Variants in GRID2 observed in about 807,000 individuals in gnomAD.
The protein encoded by GRID2 is glutamate ionotropic receptor delta type subunit 2, also known as glutamate receptor ionotropic, delta-2.
GRID2 carries 33 observed loss-of-function variants against 114.8 expected under a neutral mutation model. That is an observed-to-expected ratio of 0.29 (90% CI 0.22 to 0.38). GRID2 has a LOEUF of 0.38. Ranked by LOEUF, GRID2 falls within the 10% of genes least tolerant of loss-of-function variation. The probability of loss-of-function intolerance (pLI) is 1.00; values close to 1 mark genes in which losing one functional copy is unlikely to be tolerated. For missense variants in GRID2, 1,184 were observed against 1,257.7 expected, an observed-to-expected ratio of 0.94 and a Z score of 0.89; for synonymous variants, 505 against 449.9, an observed-to-expected ratio of 1.12 and a Z score of -1.55.
intron 2 of GRID2, among the ~76,000 whole-genome samples, chr4:92,675,152 C>G (rs759496016): frequency 1.3e-5 from 2 of 152,116 alleles, no homozygotes; most frequent in Non-Finnish European, 2.9e-5. Context: ...TGTTAGAGCA[C>G]TATTACTATA....
intron 2 of GRID2, among the ~76,000 whole-genome samples, chr4:93,023,127 ATGTATGTGTGTGTGTGTGTGTGTC>A (rs1406039297): frequency 7.6e-6 from 1 of 131,118 alleles, no homozygotes; most frequent in Non-Finnish European, 1.6e-5. Context: ...GTGTGTGTGT[ATGTATGTGTGTGTGTGTGTGTGTC>A]TGTATTGGGC....
intron 8 of GRID2, among the ~76,000 whole-genome samples, chr4:93,339,496 A>C (rs1759427213): frequency 6.6e-6 from 1 of 152,140 alleles, no homozygotes; most frequent in Non-Finnish European, 1.5e-5. Context: ...GAGGCAAGAA[A>C]GGGTTCCCCT....
At chr4:93,569,338 GC>G (rs1478090870) in intron 13 of GRID2, among the ~76,000 whole-genome samples, 13 of 152,038 alleles carry the variant, frequency 8.6e-5, no homozygotes, top group African/African-American at 3.1e-4. Flanking sequence ...TTCTGGAGAA[GC>G]CTACTCTAAT....
intron 1 of GRID2, among the ~76,000 whole-genome samples, chr4:92,571,210 G>A (rs1205377232): frequency 1.3e-5 from 2 of 152,086 alleles, no homozygotes; most frequent in Admixed American, 1.3e-4. Flanking sequence ...ATAATCACAT[G>A]GATTTTGTTT....
chr4:93,668,939 T>G (rs1724171064), intron 14 of GRID2, among the ~76,000 whole-genome samples: 1 of 152,138 alleles, frequency 6.6e-6, no homozygotes, highest in African/African-American at 2.4e-5. Context: ...GATAGTTACT[T>G]CGTGGCATCA....
Position 92,304,651 on chromosome 4 carries a change from G to C in GRID2, c.-6G>C, listed in dbSNP as rs1560556791. ...CCATCCTCCAAGAGAATCGGCATAG[G>C]AGGAGATGGAAGTTTTCCCCTTTCT... On this transcript the variant is annotated 5_prime_UTR_variant, in exon 1 of 16. Coordinates refer to ENST00000282020, the MANE Select transcript of GRID2 (RefSeq NM_001510.4). 6.2e-7 allele frequency: 1 copy of C among 1,603,850 alleles called. No homozygotes were observed. Among genetic ancestry groups the C allele is most frequent in the Non-Finnish European group, 8.5e-7 (1 of 1,170,774 alleles).
intron 13 of GRID2, among the ~76,000 whole-genome samples, chr4:93,607,692 A>G (rs1248138116): frequency 6.6e-6 from 1 of 152,162 alleles, no homozygotes; most frequent in Non-Finnish European, 1.5e-5. Flanking sequence ...CTCCACCAGC[A>G]ATAGATATTA....
At chr4:93,406,611 A>T (rs1441839809) in intron 9 of GRID2, among the ~76,000 whole-genome samples, 1 of 152,204 alleles carries the variant, frequency 6.6e-6, no homozygotes. Context: ...GAAAGGTTTC[A>T]TTTGGGGAGA....
chr4:93,117,100 A>G (rs1271129593), intron 4 of GRID2, among the ~76,000 whole-genome samples: 1 of 152,204 alleles, frequency 6.6e-6, no homozygotes, highest in African/African-American at 2.4e-5. Context: ...TAAATTTCTA[A>G]GTTAAAAAAT....
chr4:92,893,765 G>T (rs994707429), intron 2 of GRID2, among the ~76,000 whole-genome samples: 1 of 152,138 alleles, frequency 6.6e-6, no homozygotes, highest in Non-Finnish European at 1.5e-5. Context: ...CACCCACTCT[G>T]CTTAATTATA....
chr4:92,685,802 A>C (rs2149288385), intron 2 of GRID2, among the ~76,000 whole-genome samples: 1 of 152,140 alleles, frequency 6.6e-6, no homozygotes, highest in Middle Eastern at 3.4e-3. Flanking sequence ...ATCCTGATTT[A>C]GGCAGTCCTT....
intron 2 of GRID2, among the ~76,000 whole-genome samples, chr4:93,079,743 T>C (rs1030433580): frequency 2.6e-5 from 4 of 152,112 alleles, no homozygotes; most frequent in African/African-American, 9.6e-5. Context: ...CCAGGTTAAA[T>C]GTTTAATTCT....
At chr4:92,658,060 C>G (rs1732332705) in intron 2 of GRID2, among the ~76,000 whole-genome samples, 1 of 151,640 alleles carries the variant, frequency 6.6e-6, no homozygotes. Context: ...CTGTTCTCCA[C>G]TTTTTTACAT....
intron 13 of GRID2, among the ~76,000 whole-genome samples, chr4:93,559,390 G>GA (rs1357242546): frequency 9.9e-5 from 15 of 151,466 alleles, no homozygotes; most frequent in Non-Finnish European, 1.6e-4. Context: ...AAATTTACAG[G>GA]AAAAAACCCC....
chr4:92,395,741 TA>T (rs1730463140), intron 1 of GRID2, among the ~76,000 whole-genome samples: 1 of 151,840 alleles, frequency 6.6e-6, no homozygotes, highest in African/African-American at 2.4e-5. Flanking sequence ...TGTCATATTT[TA>T]AATATATTCT....
intron 14 of GRID2, among the ~76,000 whole-genome samples, chr4:93,668,774 T>A (rs1440263523): frequency 6.6e-6 from 1 of 151,742 alleles, no homozygotes; most frequent in Non-Finnish European, 1.5e-5. Context: ...AAGCAGAGAG[T>A]TTTGAAGTAA....
intron 1 of GRID2, among the ~76,000 whole-genome samples, chr4:92,445,236 T>C: frequency 6.6e-6 from 1 of 152,184 alleles, no homozygotes; most frequent in Admixed American, 6.5e-5. Context: ...AGCAGATGGG[T>C]AATTTGAGTC....
chr4:92,376,775 G>T (rs1729376406), intron 1 of GRID2, among the ~76,000 whole-genome samples: 1 of 152,190 alleles, frequency 6.6e-6, no homozygotes, highest in African/African-American at 2.4e-5. Context: ...AACACCACAT[G>T]GAAGCTGCCA....
chr4:92,526,730 G>GAA (rs1725063421), intron 1 of GRID2, among the ~76,000 whole-genome samples: 1 of 149,668 alleles, frequency 6.7e-6, no homozygotes, highest in Non-Finnish European at 1.5e-5. Flanking sequence ...TTGGCCACAT[G>GAA]CACACACACA....
Sources: gnomAD v4.1 joint callset for allele counts (sites outside exome capture counted in the v4.1 genomes callset) on GRCh38, gnomAD v4.1.1 for gene constraint, MANE v1.5 for transcripts, NCBI Gene and HGNC (gene_info 2026-07-23, HGNC 2026-07-21) for gene names.